FOXP1: variants seen among roughly 807,000 people sequenced by gnomAD.
FOXP1 encodes forkhead box P1.
FOXP1 carries 15 observed loss-of-function variants against 98.2 expected under a neutral mutation model. The ratio of observed to expected loss-of-function variants is 0.15; its 90% CI spans 0.10 to 0.24. The LOEUF (loss-of-function observed/expected upper bound fraction) is 0.24, where lower values mean the gene tolerates loss of function less well. Ranked by LOEUF, FOXP1 falls within the 10% of genes least tolerant of loss-of-function variation. FOXP1 has a pLI of 1.00. For missense variants in FOXP1, 633 were observed against 848.5 expected (o/e 0.75, Z 3.15); for synonymous variants, 371 against 314.5 (o/e 1.18, Z -1.90).
At chr3:71,241,151 A>G (rs1309271785) in intron 5 of FOXP1, among the ~76,000 whole-genome samples, 3 of 151,842 alleles carry the variant, frequency 2.0e-5, no homozygotes, top group Non-Finnish European at 2.9e-5. Context: ...CGGAGCTTGC[A>G]GTGAGTCGAG....
chr3:71,024,180 T>C (rs1315673984), intron 11 of FOXP1, among the ~76,000 whole-genome samples: 2 of 152,110 alleles, frequency 1.3e-5, no homozygotes, highest in Non-Finnish European at 2.9e-5. Flanking sequence ...AGATGAAACG[T>C]GGGAACAGGA....
chr3:71,140,760 G>C (rs2060028703), intron 6 of FOXP1, among the ~76,000 whole-genome samples: 2 of 152,058 alleles, frequency 1.3e-5, no homozygotes, highest in African/African-American at 2.4e-5. Context: ...GGGAAAATCA[G>C]AGAGAGGAAC....
At chr3:71,333,398 A>T (rs1473314295) in intron 4 of FOXP1, 1 of 31,444 alleles carries the variant, frequency 3.2e-5, no homozygotes, top group Non-Finnish European at 1.4e-4. Context: ...ACAAAGTGAT[A>T]AAAAAAAAGG....
intron 6 of FOXP1, among the ~76,000 whole-genome samples, chr3:71,132,146 G>A (rs1435863457): frequency 3.3e-5 from 5 of 152,324 alleles, no homozygotes; most frequent in South Asian, 2.1e-4. Context: ...GCTGCTCTGC[G>A]TTGCAGTATC....
intron 5 of FOXP1, among the ~76,000 whole-genome samples, chr3:71,214,756 G>A (rs1290945290): frequency 3.3e-5 from 5 of 152,130 alleles, no homozygotes; most frequent in African/African-American, 7.2e-5. Context: ...AGAGAGGAGC[G>A]GGGGAGAGAG....
At chr3:71,052,777 G>A (rs563809874) in intron 8 of FOXP1, 151 bp from the exon 9 acceptor site, 12 of 688,120 alleles carry the variant, frequency 1.7e-5, no homozygotes, top group African/African-American at 1.1e-4. Flanking sequence ...TAAATTCAGC[G>A]CACACTGACT....
At chr3:71,138,764 C>T (rs761969500) in intron 6 of FOXP1, among the ~76,000 whole-genome samples, 14 of 152,178 alleles carry the variant, frequency 9.2e-5, no homozygotes, top group Non-Finnish European at 1.6e-4. Flanking sequence ...GATAGGAGCA[C>T]ATTCACTGGC....
intron 4 of FOXP1, among the ~76,000 whole-genome samples, chr3:71,307,509 A>T (rs1661519015): frequency 6.6e-6 from 1 of 152,248 alleles, no homozygotes; most frequent in African/African-American, 2.4e-5. Flanking sequence ...AGGTTCTCTA[A>T]GCGGGGTGCC....
chr3:71,093,453 G>C (rs13092386), intron 7 of FOXP1, among the ~76,000 whole-genome samples: 1 of 141,300 alleles, frequency 7.1e-6, no homozygotes, highest in Non-Finnish European at 1.6e-5. Flanking sequence ...CCAACTCTTT[G>C]ACTGTACTAG....
In FOXP1 at chr3:71,212,320, T is replaced by A. The variant is rs887373589; in HGVS notation, c.-11-13928A>T. Among the ~76,000 whole-genome samples the A allele has an allele frequency of 6.6e-5, 10 of 152,326 alleles. No homozygotes were observed. The East Asian group carries it at 1.9e-3, about 29-fold the overall frequency. ...CTACAGGAGACTTAAGAGACCCTCATGAACCTCCACGCTATAATCTTGACC... is the reference window on the plus strand; with the variant it reads ...CTACAGGAGACTTAAGAGACCCTCAAGAACCTCCACGCTATAATCTTGACC... On this transcript the variant is annotated intron_variant, in intron 5 of 20. Coordinates refer to ENST00000649528, the MANE Select transcript of FOXP1 (RefSeq NM_001349338.3).
chr3:71,368,159 C>T (rs1008624511), intron 3 of FOXP1, among the ~76,000 whole-genome samples: 4 of 152,062 alleles, frequency 2.6e-5, no homozygotes, highest in Non-Finnish European at 5.9e-5. Flanking sequence ...GAGTTTCACT[C>T]GGTTGCCCAG....
chr3:71,274,130 A>G (rs2070665230), intron 5 of FOXP1, among the ~76,000 whole-genome samples: 1 of 152,174 alleles, frequency 6.6e-6, no homozygotes, highest in South Asian at 2.1e-4. Flanking sequence ...CTTCCATACT[A>G]GCACCAGTGC....
At chr3:71,186,186 G>C (rs1278063328) in intron 6 of FOXP1, among the ~76,000 whole-genome samples, 2 of 152,124 alleles carry the variant, frequency 1.3e-5, no homozygotes, top group Non-Finnish European at 2.9e-5. Context: ...AATTTTCTTT[G>C]GCATGGAGCC....
intron 6 of FOXP1, among the ~76,000 whole-genome samples, chr3:71,177,226 T>C (rs1394752754): frequency 6.6e-6 from 1 of 152,276 alleles, no homozygotes; most frequent in East Asian, 1.9e-4. Flanking sequence ...CTCTCTCCCG[T>C]TGAAATGAAA....
chr3:71,490,346 A>C (rs1190305198), intron 3 of FOXP1, among the ~76,000 whole-genome samples: 1 of 152,128 alleles, frequency 6.6e-6, no homozygotes, highest in Non-Finnish European at 1.5e-5. Flanking sequence ...AAAGATACAA[A>C]AATTAGCTGG....
chr3:71,450,745 T>A (rs1436941665), intron 3 of FOXP1, among the ~76,000 whole-genome samples: 2 of 152,198 alleles, frequency 1.3e-5, no homozygotes, highest in Admixed American at 1.3e-4. Flanking sequence ...GTCATTTTTT[T>A]AATTTAAAGA....
chr3:71,276,661 T>C (rs1005119518), intron 5 of FOXP1, among the ~76,000 whole-genome samples: 37 of 152,330 alleles, frequency 2.4e-4, no homozygotes, highest in African/African-American at 8.7e-4. Flanking sequence ...TGGTGATGCA[T>C]AGATACAGTG....
chr3:71,373,776 A>G (rs769919957), intron 3 of FOXP1, among the ~76,000 whole-genome samples: 5 of 152,220 alleles, frequency 3.3e-5, no homozygotes, highest in Admixed American at 1.3e-4. Context: ...CTGGACACGC[A>G]TCTTAGGTGG....
intron 6 of FOXP1, among the ~76,000 whole-genome samples, chr3:71,159,104 CAAAAAA>C (rs34653634): frequency 2.9e-4 from 23 of 77,996 alleles, no homozygotes; most frequent in Non-Finnish European, 5.3e-4. Context: ...AACCCTATCT[CAAAAAA>C]AAAAAAAAAA....
Sources: gnomAD v4.1 joint callset for allele counts (sites outside exome capture counted in the v4.1 genomes callset) on GRCh38, gnomAD v4.1.1 for gene constraint, MANE v1.5 for transcripts, NCBI Gene and HGNC (gene_info 2026-07-23, HGNC 2026-07-21) for gene names.